PCDHGB3: variants seen among roughly 807,000 people sequenced by gnomAD.
PCDHGB3 encodes the protein protocadherin gamma-B3.
Under a neutral mutation model 59.2 loss-of-function variants are expected in PCDHGB3, and 40 were observed. That is an observed-to-expected ratio of 0.68 (90% CI 0.52 to 0.88). The LOEUF (loss-of-function observed/expected upper bound fraction) is 0.88, where lower values mean the gene tolerates loss of function less well. Ranked by LOEUF, PCDHGB3 falls within the 40% of genes least tolerant of loss-of-function variation. The pLI is 0.00. For synonymous variants in PCDHGB3, 581 were observed against 503.6 expected, an observed-to-expected ratio of 1.15 and a Z score of -2.06; for missense variants, 1,309 against 1,187.9, an observed-to-expected ratio of 1.10 and a Z score of -1.50.
In PCDHGB3 at chr5:141,375,141, G is replaced by A. The variant is rs745587842; in HGVS notation, c.2415+2332G>A. Reference sequence around the variant, plus strand: ...CCAGAAGTGGTTGTTACATCTGGAAGCAGAACAATTGCTGAAAGTGCACCT... The same window carrying A: ...CCAGAAGTGGTTGTTACATCTGGAAACAGAACAATTGCTGAAAGTGCACCT... On this transcript the variant is annotated intron_variant, in intron 1 of 3. Transcript: ENST00000576222. The A allele has an allele frequency of 1.9e-6, 3 of 1,613,962 alleles. No individual in the cohort carries two copies. Among genetic ancestry groups the A allele is most frequent in the Admixed American group, 1.7e-5 (1 of 60,032 alleles).
rs922042985 is a variant in PCDHGB3, at chr5:141,415,768, T to G, written c.2415+42959T>G. 1.6e-5 allele frequency: 22 copies of G among 1,345,224 alleles called. No homozygotes were observed. The African/African-American group carries it at 3.6e-4, about 22-fold the overall frequency. The allele number at this position is 1,345,224 out of a possible 1,614,324, so 83.3% of individuals were successfully genotyped here. ...TTTTTTTTTTTTTTTTTTTTTTTTT[T>G]TTTTACTTTCTGGTAAAATTCACCT... is the stretch of plus-strand genomic sequence containing the variant. On this transcript the variant is annotated intron_variant, in intron 1 of 3. Coordinates refer to ENST00000576222, the MANE Select transcript of PCDHGB3 (RefSeq NM_018924.5).
In PCDHGB3 at chr5:141,370,967, C is replaced by T. The variant is rs776738496; in HGVS notation, c.573C>T (p.Tyr191=). Residue 191 remains tyrosine (Y), a synonymous_variant, in exon 1 of 4, where the codon TAC becomes TAT. Transcript: ENST00000576222. ...IQKENLDGSR[Y]PELVLKAPLD... ...AGGAGAACCTGGATGGCAGTAGGTA[C>T]CCAGAGCTAGTACTGAAAGCACCCC... is the stretch of plus-strand genomic sequence containing the variant. 9.3e-6 allele frequency: 15 copies of T among 1,613,878 alleles called. 1 individual carries two copies. The South Asian group carries it at 1.3e-4, about 14-fold the overall frequency.
chr5:141,386,090 T>C (rs184634259), intron 1 of PCDHGB3: 1 of 152,362 alleles, frequency 6.6e-6, no homozygotes, highest in Non-Finnish European at 1.5e-5. Context: ...TACAGCCAGA[T>C]GAAGTGTGTC....
intron 1 of PCDHGB3, chr5:141,409,987 C>T: frequency 3.1e-6 from 5 of 1,613,288 alleles, no homozygotes; most frequent in Non-Finnish European, 4.2e-6. Context: ...TAGCGGTGGA[C>T]GCCGACTCGG....
rs779656906 is a variant in PCDHGB3 at position 141,476,872 on chromosome 5, C to T, written c.2416-17935C>T. On this transcript the variant is annotated intron_variant, in intron 1 of 3. Transcript: ENST00000576222. The surrounding 1 kb of genome is among the most constrained non-coding windows in gnomAD (Gnocchi z 7.6). ...TCAACCAGTCCTTGTACCGGGCGCG[C>T]GTCCTGGAGGATGCACCCTCCGGCA... 1.6e-4 allele frequency: 254 copies of T among 1,613,734 alleles called. No individual in the cohort carries two copies. The highest frequency in any genetic ancestry group is 2.1e-4 in the Non-Finnish European group (248 of 1,180,054).
At chr5:141,510,321 CA>C (rs1376271166) in intron 3 of PCDHGB3, among the ~76,000 whole-genome samples, 1 of 150,840 alleles carries the variant, frequency 6.6e-6, no homozygotes, top group Non-Finnish European at 1.5e-5. Context: ...CTTGGAAGAG[CA>C]CTCTTCACCC....
intron 1 of PCDHGB3, chr5:141,409,980 C>T (rs2095343394): frequency 6.2e-7 from 1 of 1,613,322 alleles, no homozygotes; most frequent in Non-Finnish European, 8.5e-7. Context: ...AAGGTGGTAG[C>T]GGTGGACGCC....
Position 141,477,412 on chromosome 5 carries a change from C to T in PCDHGB3, c.2416-17395C>T. 6 of 1,614,168 alleles carry T rather than the reference C, an allele frequency of 3.7e-6. No individual in the cohort carries two copies. The highest frequency in any genetic ancestry group is 1.1e-5 in the South Asian group (1 of 91,082). On this transcript the variant is annotated intron_variant, in intron 1 of 3. Coordinates refer to ENST00000576222, the MANE Select transcript of PCDHGB3 (RefSeq NM_018924.5). This position sits in a 1 kb window ranked among gnomAD's most constrained non-coding sequence, Gnocchi z 4.9. ...ACCTCAGCATCACCGCCCGAGACGC[C>T]GGAACCCCTTCCCTCTCAGCCCTTA... is the stretch of plus-strand genomic sequence containing the variant.
Position 141,490,202 on chromosome 5 carries a change from G to A in PCDHGB3, c.2416-4605G>A, listed in dbSNP as rs1594889134. On this transcript the variant is annotated intron_variant, in intron 1 of 3. Coordinates refer to ENST00000576222, the MANE Select transcript of PCDHGB3 (RefSeq NM_018924.5). The surrounding 1 kb of genome is among the most constrained non-coding windows in gnomAD (Gnocchi z 5.4). ...TCACGTTTCTATGAAATTCATGCAA[G>A]AGCCCGTGACCAGGGACAGCCTGCC... 1.2e-6 allele frequency: 2 copies of A among 1,614,220 alleles called. No homozygotes were observed. The highest frequency in any genetic ancestry group is 2.7e-5 in the African/African-American group (2 of 75,060).
At chr5:141,502,300 TTCCTC>T (rs139569110) in intron 2 of PCDHGB3, among the ~76,000 whole-genome samples, 4,853 of 152,256 alleles carry the variant, frequency 0.032, 250 homozygotes, top group African/African-American at 0.11. Flanking sequence ...TGTCACGTCT[TTCCTC>T]TCCTTTAATC....
intron 1 of PCDHGB3, chr5:141,428,441 G>C: frequency 2.6e-6 from 1 of 389,280 alleles, no homozygotes; most frequent in Non-Finnish European, 4.9e-6. Context: ...ACTAGACCAG[G>C]GGTTTTTCCC....
chr5:141,400,880 T>C (rs919340566), intron 1 of PCDHGB3, among the ~76,000 whole-genome samples: 1 of 152,276 alleles, frequency 6.6e-6, no homozygotes, highest in Non-Finnish European at 1.5e-5. Flanking sequence ...TTAAATTTAA[T>C]GTATGTAATC....
chr5:141,389,509 C>A, intron 1 of PCDHGB3: 2 of 1,613,118 alleles, frequency 1.2e-6, no homozygotes, highest in Non-Finnish European at 8.5e-7. Flanking sequence ...GCGCTCAGCG[C>A]GAACGTGAGC....
At chr5:141,478,063 A>G in intron 1 of PCDHGB3, 1 of 1,614,168 alleles carries the variant, frequency 6.2e-7, no homozygotes, top group Non-Finnish European at 8.5e-7. Context: ...TCTTGATCAA[A>G]GACAATGGGG....
At chr5:141,374,613 A>G (rs1770655332) in intron 1 of PCDHGB3, 1 of 1,613,396 alleles carries the variant, frequency 6.2e-7, no homozygotes, top group African/African-American at 1.3e-5. Flanking sequence ...GGTAATAGTC[A>G]CTTCTCAGTG....
At chr5:141,388,606 T>G in intron 1 of PCDHGB3, 1 of 1,613,906 alleles carries the variant, frequency 6.2e-7, no homozygotes, top group South Asian at 1.1e-5. Context: ...AATGCTCCAG[T>G]GTTCAGTCAA....
At chr5:141,457,356 C>G (rs2098917888) in intron 1 of PCDHGB3, among the ~76,000 whole-genome samples, 1 of 152,170 alleles carries the variant, frequency 6.6e-6, no homozygotes, top group South Asian at 2.1e-4. Context: ...TTACCTGGCA[C>G]AATTTGCAAA....
rs752011641 is a variant in PCDHGB3 at position 141,490,299 on chromosome 5, C to T, written c.2416-4508C>T. 1.2e-6 allele frequency: 2 copies of T among 1,614,068 alleles called. No homozygotes were observed. Among genetic ancestry groups the T allele is most frequent in the East Asian group, 2.2e-5 (1 of 44,896 alleles). Reference sequence around the variant, plus strand: ...ACAATGCCCCAGAGGTGCTATTGGCCTCTTTGGCCAACCCTGTCCTAGAGA... The same window carrying T: ...ACAATGCCCCAGAGGTGCTATTGGCTTCTTTGGCCAACCCTGTCCTAGAGA... On this transcript the variant is annotated intron_variant, in intron 1 of 3. Coordinates refer to ENST00000576222, the MANE Select transcript of PCDHGB3 (RefSeq NM_018924.5). The surrounding 1 kb of genome is among the most constrained non-coding windows in gnomAD (Gnocchi z 5.4).
At chr5:141,415,135 G>A (rs1224251849) in intron 1 of PCDHGB3, 7 of 1,613,666 alleles carry the variant, frequency 4.3e-6, no homozygotes, top group East Asian at 2.2e-5. Flanking sequence ...CCAGGACCAC[G>A]GCCAGCCCCC....
Sources: gnomAD v4.1 joint callset for allele counts (sites outside exome capture counted in the v4.1 genomes callset) on GRCh38, gnomAD v4.1.1 for gene constraint, Gnocchi (gnomAD v3.1) non-coding constraint, MANE v1.5 for transcripts, NCBI Gene and HGNC (gene_info 2026-07-23, HGNC 2026-07-21) for gene names.